The following UBL3 variants were observed in gnomAD, a reference collection of about 807,000 sequenced individuals.
UBL3 encodes the protein ubiquitin-like protein 3.
In UBL3, 6 loss-of-function variants were observed where a neutral mutation model predicts 18.4. The observed-to-expected ratio is 0.33, with a 90% CI of 0.18 to 0.64. The LOEUF is 0.64. UBL3 is among the 30% of genes least tolerant of loss of function. The pLI, the probability that UBL3 is intolerant of heterozygous loss-of-function variation, is 0.76. For synonymous variants in UBL3, 49 were observed against 46.6 expected (o/e 1.05, Z -0.21); for missense variants, 109 against 142.9 (o/e 0.76, Z 1.21).
intron 1 of UBL3, among the ~76,000 whole-genome samples, chr13:29,806,839 G>A (rs944218040): frequency 6.6e-6 from 1 of 152,104 alleles, no homozygotes; most frequent in Admixed American, 6.5e-5. Context: ...ATTGTCTTTT[G>A]TGATCTGTAA....
intron 1 of UBL3, among the ~76,000 whole-genome samples, chr13:29,783,459 C>A (rs1023308562): frequency 1.3e-5 from 2 of 152,100 alleles, no homozygotes; most frequent in African/African-American, 4.8e-5. Flanking sequence ...TACCTTAGGA[C>A]TGTAAGAAAG....
rs572474665 is a variant in UBL3 at position 29,787,951 on chromosome 13, G to A, written c.28-10688C>T. Among the ~76,000 whole-genome samples the A allele has an allele frequency of 5.3e-5, 8 of 152,324 alleles. No homozygotes were observed. The South Asian group carries it at 1.7e-3, about 32-fold the overall frequency. On this transcript the variant is annotated intron_variant, in intron 1 of 4. Coordinates refer to ENST00000380680, the MANE Select transcript of UBL3 (RefSeq NM_007106.4). Reference sequence around the variant, plus strand: ...GATGGAGTTTCATGTATTTCAGGAAGATGACAATTCTATTTCCTCTGTCCA... The same window carrying A: ...GATGGAGTTTCATGTATTTCAGGAAAATGACAATTCTATTTCCTCTGTCCA...
At chr13:29,773,608 G>A (rs901625959) in intron 2 of UBL3, among the ~76,000 whole-genome samples, 5 of 151,980 alleles carry the variant, frequency 3.3e-5, no homozygotes, top group African/African-American at 1.2e-4. Flanking sequence ...GCAGAAACCT[G>A]AAGCCCCATG....
chr13:29,844,344 T>C (rs1879179898), intron 1 of UBL3, among the ~76,000 whole-genome samples: 1 of 152,160 alleles, frequency 6.6e-6, no homozygotes, highest in South Asian at 2.1e-4. Context: ...ATTTTGTAAA[T>C]TACTGATCTA....
At chr13:29,767,735 G>A (rs750562918) in intron 3 of UBL3, 40 bp from the exon 4 acceptor site, 11 of 1,553,102 alleles carry the variant, frequency 7.1e-6, no homozygotes, top group East Asian at 2.3e-5. Flanking sequence ...CACATATATC[G>A]ACCTATTAAA....
At chr13:29,805,541 T>C (rs1430261890) in intron 1 of UBL3, among the ~76,000 whole-genome samples, 1 of 152,208 alleles carries the variant, frequency 6.6e-6, no homozygotes, top group Non-Finnish European at 1.5e-5. Context: ...AACATGACTA[T>C]ATATGCTATC....
At position 29,806,677 on chromosome 13, in the gene UBL3, G is replaced by A. The variant is rs555843848; in HGVS notation, c.28-29414C>T. The stretch of plus-strand genomic sequence containing the variant: ...TTTGCTTCATTATAAATACTGAGGC[G>A]TTCTTTGGCTTAAATTCAGAAATAT... On this transcript the variant is annotated intron_variant, in intron 1 of 4. Coordinates refer to ENST00000380680, the MANE Select transcript of UBL3 (RefSeq NM_007106.4). Among the ~76,000 whole-genome samples, 15 of 152,160 alleles carry A rather than the reference G, an allele frequency of 9.9e-5. No homozygotes were observed. The East Asian group carries it at 2.5e-3, about 25-fold the overall frequency.
At chr13:29,778,127 C>G (rs1328121489) in intron 1 of UBL3, among the ~76,000 whole-genome samples, 1 of 152,072 alleles carries the variant, frequency 6.6e-6, no homozygotes, top group Non-Finnish European at 1.5e-5. Context: ...AATAGTAGCT[C>G]TTTTAGCCCC....
intron 1 of UBL3, among the ~76,000 whole-genome samples, chr13:29,807,322 G>A (rs939731529): frequency 3.9e-5 from 6 of 151,952 alleles, no homozygotes; most frequent in African/African-American, 1.5e-4. Context: ...TATAATCTTG[G>A]GTAAGTCACT....
chr13:29,846,716 A>G (rs772576468), intron 1 of UBL3, among the ~76,000 whole-genome samples: 2 of 152,188 alleles, frequency 1.3e-5, no homozygotes, highest in African/African-American at 2.4e-5. Flanking sequence ...CATCTCCCCA[A>G]CAGGATTTTC....
chr13:29,792,179 T>C (rs976487528), intron 1 of UBL3, among the ~76,000 whole-genome samples: 3 of 152,222 alleles, frequency 2.0e-5, no homozygotes, highest in Non-Finnish European at 2.9e-5. Context: ...TGCCAAACTA[T>C]AGCCAACATT....
At chr13:29,800,777 C>G (rs978601678) in intron 1 of UBL3, among the ~76,000 whole-genome samples, 1 of 152,172 alleles carries the variant, frequency 6.6e-6, no homozygotes, top group African/African-American at 2.4e-5. Context: ...AACACTCAGG[C>G]TGGTAGCAGC....
intron 1 of UBL3, among the ~76,000 whole-genome samples, chr13:29,805,419 G>A (rs138656310): frequency 1.2e-3 from 185 of 152,228 alleles, no homozygotes; most frequent in African/African-American, 4.3e-3. Context: ...ATATTTCTTG[G>A]CCCGGGCCCC....
intron 1 of UBL3, among the ~76,000 whole-genome samples, chr13:29,800,028 C>A (rs1012658826): frequency 6.6e-6 from 1 of 151,852 alleles, no homozygotes; most frequent in Non-Finnish European, 1.5e-5. Context: ...ATGACTAGGG[C>A]AGGGAATAGG....
rs141890437 is a variant in UBL3, at chr13:29,816,792, T to C, written c.27+32720A>G. 7.0e-3 allele frequency among the ~76,000 whole-genome samples: 1,040 copies of C among 149,060 alleles called. 3 individuals carry two copies. The highest frequency in any genetic ancestry group is 1.0e-2 in the Non-Finnish European group (673 of 67,364). ...AAAAAAAAAAAAAAAAGGAACAATG[T>C]TGAACTCTGAAAATCTTCTAGGAGT... On this transcript the variant is annotated intron_variant, in intron 1 of 4. Transcript: ENST00000380680.
chr13:29,839,392 G>A (rs1420107136), intron 1 of UBL3, among the ~76,000 whole-genome samples: 1 of 152,174 alleles, frequency 6.6e-6, no homozygotes, highest in Non-Finnish European at 1.5e-5. Flanking sequence ...TTTATTGAAT[G>A]ATAATAAAAA....
intron 1 of UBL3, among the ~76,000 whole-genome samples, chr13:29,824,648 C>T (rs1215921333): frequency 6.6e-6 from 1 of 152,012 alleles, no homozygotes; most frequent in African/African-American, 2.4e-5. Flanking sequence ...TTCTCCCATT[C>T]TGTAGGTTGC....
At chr13:29,825,209 T>G (rs1169130901) in intron 1 of UBL3, among the ~76,000 whole-genome samples, 1 of 152,242 alleles carries the variant, frequency 6.6e-6, no homozygotes, top group Non-Finnish European at 1.5e-5. Flanking sequence ...TGGTTCCATA[T>G]GAACTTTAGT....
chr13:29,831,542 C>T (rs543166161), intron 1 of UBL3, among the ~76,000 whole-genome samples: 1 of 149,444 alleles, frequency 6.7e-6, no homozygotes, highest in South Asian at 2.1e-4. Flanking sequence ...GAGCCAAGAT[C>T]GCGTCATTGT....
Sources: allele counts gnomAD v4.1 joint callset (sites outside exome capture counted in the v4.1 genomes callset), GRCh38; gene constraint gnomAD v4.1.1; transcripts MANE v1.5; gene names NCBI Gene and HGNC (gene_info 2026-07-23, HGNC 2026-07-21).